The following SVEP1 variants were observed in gnomAD, a reference collection of about 807,000 sequenced individuals.
SVEP1 encodes the protein sushi, von Willebrand factor type A, EGF and pentraxin domain containing 1.
SVEP1 carries 164 observed loss-of-function variants against 367.3 expected under a neutral mutation model. The ratio of observed to expected loss-of-function variants is 0.45; its 90% CI spans 0.39 to 0.51. SVEP1 has a LOEUF of 0.51. Among genes scored for constraint, SVEP1 ranks in the 20% least tolerant of loss-of-function variants. The probability of loss-of-function intolerance (pLI) is 0.00; values close to 1 mark genes in which losing one functional copy is unlikely to be tolerated. For missense variants in SVEP1, 4,117 were observed against 4,425.3 expected (o/e 0.93, Z 1.98); for synonymous variants, 1,666 against 1,611.6 (o/e 1.03, Z -0.81).
chr9:110,402,964 C>T (rs2118996638), intron 39 of SVEP1, among the ~76,000 whole-genome samples: 1 of 152,172 alleles, frequency 6.6e-6, no homozygotes, highest in South Asian at 2.1e-4. Context: ...ATATGTCAGG[C>T]AAGTACTAGC....
rs1166092644 is a variant in SVEP1 at position 110,404,229 on chromosome 9, A to AC, written c.9666+97dup. 3.3e-6 allele frequency: 4 copies of AC among 1,198,460 alleles called. No individual in the cohort carries two copies. The East Asian group carries it at 7.1e-5, about 21-fold the overall frequency. 74.2% of individuals were successfully genotyped at this position (1,198,460 alleles called of 1,614,324 possible). On this transcript the variant is annotated intron_variant, in intron 39 of 47. Transcript: ENST00000374469. The stretch of plus-strand genomic sequence containing the variant: ...CCTTTGAAATGAGTGAAAACTTCAG[A>AC]CTTTTTTTTCTTTTTGGGATTACTA...
At position 110,408,752 on chromosome 9, in the gene SVEP1, C is replaced by T. The variant is rs376253045; in HGVS notation, c.6848G>A (p.Gly2283Glu). 3.0e-5 allele frequency: 49 copies of T among 1,613,628 alleles called. No individual in the cohort carries two copies. The highest frequency in any genetic ancestry group is 3.9e-5 in the Non-Finnish European group (46 of 1,179,886). Residue 2283 changes from glycine to glutamate, a missense_variant, in exon 38 of 48, where the codon GGG becomes GAG. Physicochemically the swap from Gly to Glu is moderately conservative, Grantham distance 98 (BLOSUM62 -2). Coordinates refer to ENST00000374469, the MANE Select transcript of SVEP1 (RefSeq NM_153366.4). ...GFMKGENFEV[G>E]SKVQFFCNEG... ...ATTACAGAAAAACTGAACCTTGGAC[C>T]CTACTTCAAAGTTTTCTCCTTTCAT... is the stretch of plus-strand genomic sequence containing the variant.
rs151318452 is a variant in SVEP1, at chr9:110,398,073, G to A, written c.9822+2781C>T. ...AAAAGAACAAAGCTGGAGGCATCAC[G>A]CTACCTGACTTCAAACCATACTACA... On this transcript the variant is annotated intron_variant, in intron 40 of 47. Transcript: ENST00000374469. 5.9e-4 allele frequency among the ~76,000 whole-genome samples: 88 copies of A among 150,254 alleles called. 1 individual carries two copies. Among genetic ancestry groups the A allele is most frequent in the Admixed American group, 1.5e-3 (22 of 14,896 alleles).
At chr9:110,390,215 T>TTATATAAGTATG (rs1827620381) in intron 40 of SVEP1, among the ~76,000 whole-genome samples, 10 of 63,052 alleles carry the variant, frequency 1.6e-4, no homozygotes, top group African/African-American at 4.9e-4. Flanking sequence ...ATGTATATAC[T>TTATATAAGTATG]TGTATATATA....
intron 36 of SVEP1, among the ~76,000 whole-genome samples, chr9:110,414,340 C>G (rs1828086672): frequency 6.6e-6 from 1 of 151,926 alleles, no homozygotes; most frequent in Non-Finnish European, 1.5e-5. Flanking sequence ...AGTGTATCAG[C>G]AGAGCTATAT....
intron 6 of SVEP1, among the ~76,000 whole-genome samples, chr9:110,501,365 TACC>T (rs1298649722): frequency 6.6e-6 from 1 of 151,436 alleles, no homozygotes; most frequent in Non-Finnish European, 1.5e-5. Context: ...TGTCATATTT[TACC>T]ACATGTTCTG....
At position 110,435,345 on chromosome 9, in the gene SVEP1, G is replaced by C. The variant is rs1359236405; in HGVS notation, c.4784C>G (p.Ser1595Cys). Reference protein sequence around the residue: ...SPQQVKSLATSCPEELSKGNV... With the variant: ...SPQQVKSLATCCPEELSKGNV... ...TCCTTTACTGAGTTCCTCTGGGCAGGAGGTAGCCAGTGACTTCACCTGAAA... is the reference window on the plus strand; with the variant it reads ...TCCTTTACTGAGTTCCTCTGGGCAGCAGGTAGCCAGTGACTTCACCTGAAA... The change falls in exon 29 of 48, where the codon TCC (serine) becomes TGC (cysteine). Residue 1595 changes from serine (S) to cysteine (C), a missense_variant. Around this residue, in one of 4 missense-constraint regions of SVEP1, gnomAD observed 2,174 missense variants for 2,494.3 expected, o/e 0.87. Transcript: ENST00000374469. 3 of 1,613,258 alleles carry C rather than the reference G, an allele frequency of 1.9e-6. No individual in the cohort carries two copies. Among genetic ancestry groups the C allele is most frequent in the Non-Finnish European group, 2.5e-6 (3 of 1,179,470 alleles).
chr9:110,430,259 A>G lies in SVEP1; in HGVS notation c.5530+15T>C. On this transcript the variant is annotated intron_variant, in intron 33 of 47. Coordinates refer to ENST00000374469, the MANE Select transcript of SVEP1 (RefSeq NM_153366.4). ...TTGCCAAACATAAGAAACGTGGTAA[A>G]TTTACTAAACATACCTTTACAATAT... 3 of 1,604,328 alleles carry G rather than the reference A, an allele frequency of 1.9e-6. No homozygotes were observed. Among genetic ancestry groups the G allele is most frequent in the Non-Finnish European group, 2.6e-6 (3 of 1,174,826 alleles).
Position 110,400,835 on chromosome 9 carries a change from A to T in SVEP1, c.9822+19T>A, listed in dbSNP as rs762019233. On this transcript the variant is annotated intron_variant, in intron 40 of 47. Transcript: ENST00000374469. The stretch of plus-strand genomic sequence containing the variant: ...TTGGAAAAACAAATTATTTCTAGTT[A>T]AACAATTTGTTCGCTTACCTCTAGT... 2.3e-5 allele frequency: 36 copies of T among 1,593,122 alleles called. No homozygotes were observed. The highest frequency in any genetic ancestry group is 4.1e-5 in the African/African-American group (3 of 74,024).
At chr9:110,405,942 T>TC (rs1564132880) in intron 38 of SVEP1, among the ~76,000 whole-genome samples, 2 of 152,226 alleles carry the variant, frequency 1.3e-5, no homozygotes, top group Non-Finnish European at 2.9e-5. Context: ...ATGATAATTA[T>TC]ATTAGAAACA....
chr9:110,481,761 C>T (rs1342814113), intron 11 of SVEP1, among the ~76,000 whole-genome samples: 1 of 152,036 alleles, frequency 6.6e-6, no homozygotes, highest in Non-Finnish European at 1.5e-5. Context: ...CACCCAGGCT[C>T]GAATGCAGTG....
rs1829182745 is a variant in SVEP1 at position 110,481,270 on chromosome 9, T to C, written c.2337A>G (p.Thr779=). 1 of 1,602,208 alleles carries C rather than the reference T, an allele frequency of 6.2e-7. No individual in the cohort carries two copies. The highest frequency in any genetic ancestry group is 8.5e-7 in the Non-Finnish European group (1 of 1,173,986). The stretch of plus-strand genomic sequence containing the variant: ...CACAGTCTGGCCATTCAGTGGTATA[T>C]GTTGGTTTCCAGACGCCATCTTCAT... ...CAYEDGVWKP[T]YTTEWPDCAK... is the part of the protein sequence containing the mutation. Residue 779 remains threonine (T), a synonymous_variant, in exon 12 of 48, where the codon ACA becomes ACG. Transcript: ENST00000374469.
At chr9:110,505,309 A>G (rs1261777427) in intron 5 of SVEP1, among the ~76,000 whole-genome samples, 1 of 152,172 alleles carries the variant, frequency 6.6e-6, no homozygotes, top group Admixed American at 6.5e-5. Flanking sequence ...TGATTTCATC[A>G]TGCCCTCTAT....
At chr9:110,538,864 A>G (rs1288080636) in intron 3 of SVEP1, among the ~76,000 whole-genome samples, 1 of 152,100 alleles carries the variant, frequency 6.6e-6, no homozygotes, top group Non-Finnish European at 1.5e-5. Context: ...GACTACTCTC[A>G]ATGTGATTTG....
intron 37 of SVEP1, among the ~76,000 whole-genome samples, chr9:110,409,485 C>T (rs7038810): frequency 0.85 from 129,402 of 152,154 alleles, 55,593 homozygotes; most frequent in African/African-American, 0.97. Flanking sequence ...TGCAGAAATC[C>T]TTACTACAGT....
chr9:110,479,042 T>G (rs1488782145), intron 13 of SVEP1, among the ~76,000 whole-genome samples: 1 of 151,936 alleles, frequency 6.6e-6, no homozygotes, highest in Non-Finnish European at 1.5e-5. Flanking sequence ...CTCAGCCTCC[T>G]GAGTAGCTGG....
At chr9:110,405,929 G>GTT (rs1564132872) in intron 38 of SVEP1, among the ~76,000 whole-genome samples, 2 of 152,152 alleles carry the variant, frequency 1.3e-5, no homozygotes, top group Non-Finnish European at 2.9e-5. Flanking sequence ...GAATATGATA[G>GTT]TCATGATAAT....
intron 1 of SVEP1, among the ~76,000 whole-genome samples, chr9:110,553,710 C>A (rs192155871): frequency 6.6e-6 from 1 of 152,126 alleles, no homozygotes; most frequent in Non-Finnish European, 1.5e-5. Flanking sequence ...TCCTTGAAGG[C>A]AGGTATTTTT....
intron 3 of SVEP1, among the ~76,000 whole-genome samples, chr9:110,534,829 C>T (rs756889892): frequency 1.1e-4 from 16 of 151,868 alleles, no homozygotes; most frequent in African/African-American, 2.2e-4. Context: ...CCTTTGAAAA[C>T]GGTCTGTTCA....
Sources: allele counts gnomAD v4.1 joint callset (sites outside exome capture counted in the v4.1 genomes callset), GRCh38; gene constraint gnomAD v4.1.1; regional missense constraint gnomAD v4.1.1; transcripts MANE v1.5; gene names NCBI Gene and HGNC (gene_info 2026-07-23, HGNC 2026-07-21).